The following ESRRG variants were observed in gnomAD, a reference collection of about 807,000 sequenced individuals.
The protein encoded by ESRRG is estrogen-related receptor gamma.
In ESRRG, 13 loss-of-function variants were observed where a neutral mutation model predicts 44.0. The ratio of observed to expected loss-of-function variants is 0.30; its 90% CI spans 0.19 to 0.47. The LOEUF is 0.47. ESRRG is among the 20% of genes least tolerant of loss of function. The pLI, the probability that ESRRG is intolerant of heterozygous loss-of-function variation, is 1.00. For missense variants in ESRRG, 395 were observed against 580.6 expected, an observed-to-expected ratio of 0.68 and a Z score of 3.29; for synonymous variants, 215 against 214.6, an observed-to-expected ratio of 1.00 and a Z score of -0.02.
At chr1:216,982,161 G>A (rs1224017382) in intron 1 of ESRRG, among the ~76,000 whole-genome samples, 1 of 152,098 alleles carries the variant, frequency 6.6e-6, no homozygotes, top group Non-Finnish European at 1.5e-5. Context: ...TACATCAAGT[G>A]TGTAACAGCT....
At chr1:216,939,359 A>AAAAAAAAAC (rs1560188804) in intron 2 of ESRRG, among the ~76,000 whole-genome samples, 4 of 149,248 alleles carry the variant, frequency 2.7e-5, no homozygotes, top group African/African-American at 7.5e-5. Context: ...AAAAAAAAAA[A>AAAAAAAAAC]AAAAAAAAAA....
At chr1:216,744,903 G>A (rs951543688) in intron 2 of ESRRG, among the ~76,000 whole-genome samples, 5 of 152,134 alleles carry the variant, frequency 3.3e-5, no homozygotes, top group African/African-American at 1.2e-4. Flanking sequence ...TTTAACTTTG[G>A]TTCCATATTA....
intron 1 of ESRRG, among the ~76,000 whole-genome samples, chr1:217,126,959 G>A (rs1232641449): frequency 6.6e-6 from 1 of 152,050 alleles, no homozygotes; most frequent in East Asian, 1.9e-4. Context: ...AAATAGATGT[G>A]ATATTACTTA....
intron 1 of ESRRG, among the ~76,000 whole-genome samples, chr1:216,720,286 T>A (rs555941991): frequency 1.3e-5 from 2 of 152,160 alleles, no homozygotes; most frequent in African/African-American, 4.8e-5. Context: ...TTGCAGCTGA[T>A]TGTCACTTCA....
At position 216,639,251 on chromosome 1, in the gene ESRRG, A is replaced by G. The variant is rs1384128658; in HGVS notation, c.589+11722T>C. 5.3e-5 allele frequency among the ~76,000 whole-genome samples: 8 copies of G among 152,300 alleles called. No individual in the cohort carries two copies. The South Asian group carries it at 1.5e-3, about 28-fold the overall frequency. On this transcript the variant is annotated intron_variant, in intron 3 of 6. Transcript: ENST00000408911. ...TTTAGAGGAAACTATGAGAACAACA[A>G]CAACAATCCCCCACCCGCTCCCAAA...
chr1:216,956,284 C>G (rs1484245832), intron 1 of ESRRG, among the ~76,000 whole-genome samples: 1 of 152,062 alleles, frequency 6.6e-6, no homozygotes, highest in Non-Finnish European at 1.5e-5. Flanking sequence ...CCAACACCAT[C>G]TATCCTTCTC....
chr1:216,720,493 A>G (rs938100877), intron 1 of ESRRG, among the ~76,000 whole-genome samples: 7 of 152,128 alleles, frequency 4.6e-5, no homozygotes, highest in African/African-American at 1.7e-4. Flanking sequence ...CTCAAATAAT[A>G]TCACATCTAA....
intron 2 of ESRRG, among the ~76,000 whole-genome samples, chr1:216,765,821 T>A (rs1438996107): frequency 6.6e-6 from 1 of 152,096 alleles, no homozygotes; most frequent in Non-Finnish European, 1.5e-5. Flanking sequence ...GCTGTTCCTA[T>A]AACGTGGGTA....
At chr1:217,046,903 A>T (rs1428092636) in intron 1 of ESRRG, among the ~76,000 whole-genome samples, 4 of 151,778 alleles carry the variant, frequency 2.6e-5, no homozygotes, top group Non-Finnish European at 5.9e-5. Flanking sequence ...AAGGGGGGGG[A>T]ATGGAAGATA....
chr1:216,973,074 C>T (rs1297021715), intron 1 of ESRRG, among the ~76,000 whole-genome samples: 1 of 152,178 alleles, frequency 6.6e-6, no homozygotes, highest in Non-Finnish European at 1.5e-5. Flanking sequence ...CCCTGGAGAA[C>T]TGCAGCAGCC....
At chr1:216,510,008 T>C (rs1277232769) in intron 6 of ESRRG, among the ~76,000 whole-genome samples, 1 of 152,206 alleles carries the variant, frequency 6.6e-6, no homozygotes, top group Non-Finnish European at 1.5e-5. Flanking sequence ...TGCTGGTTTC[T>C]TTTTAACTAT....
intron 5 of ESRRG, among the ~76,000 whole-genome samples, chr1:216,556,083 A>G (rs951995750): frequency 1.3e-5 from 2 of 152,188 alleles, no homozygotes; most frequent in Admixed American, 1.3e-4. Context: ...TTAAGCATAT[A>G]TGAATTATAC....
intron 2 of ESRRG, among the ~76,000 whole-genome samples, chr1:216,826,113 A>G (rs2095388944): frequency 6.6e-6 from 1 of 151,684 alleles, no homozygotes; most frequent in South Asian, 2.1e-4. Flanking sequence ...AGGCAGGTAG[A>G]GTTACTTTGA....
chr1:216,698,390 G>T (rs927477534), intron 1 of ESRRG, among the ~76,000 whole-genome samples: 2 of 151,808 alleles, frequency 1.3e-5, no homozygotes, highest in Non-Finnish European at 2.9e-5. Flanking sequence ...GTGGTGGGGG[G>T]CGCCTGTAGT....
chr1:216,985,507 T>C (rs1002839951), intron 1 of ESRRG, among the ~76,000 whole-genome samples: 1 of 152,180 alleles, frequency 6.6e-6, no homozygotes, highest in African/African-American at 2.4e-5. Context: ...GGACTAATCT[T>C]CCCCATCTCT....
intron 2 of ESRRG, among the ~76,000 whole-genome samples, chr1:216,838,336 A>G (rs2095600154): frequency 6.6e-6 from 1 of 152,176 alleles, no homozygotes; most frequent in South Asian, 2.1e-4. Context: ...AGTCTATAAA[A>G]GTGTTGTCTT....
chr1:217,088,026 G>A (rs1580529787), intron 1 of ESRRG, among the ~76,000 whole-genome samples: 1 of 150,402 alleles, frequency 6.6e-6, no homozygotes, highest in African/African-American at 2.4e-5. Flanking sequence ...AACTCATTTT[G>A]ACAACATCAA....
At chr1:217,017,406 C>T (rs2079557958) in intron 1 of ESRRG, among the ~76,000 whole-genome samples, 1 of 142,294 alleles carries the variant, frequency 7.0e-6, no homozygotes, top group African/African-American at 2.7e-5. Context: ...ATCTGAGTCA[C>T]ATCAGACACA....
chr1:216,522,786 G>A (rs974030566), intron 5 of ESRRG, among the ~76,000 whole-genome samples: 1 of 152,112 alleles, frequency 6.6e-6, no homozygotes, highest in Admixed American at 6.6e-5. Context: ...AAATGAAAAT[G>A]CATGTTTTAA....
Sources: allele counts gnomAD v4.1 joint callset (sites outside exome capture counted in the v4.1 genomes callset), GRCh38; gene constraint gnomAD v4.1.1; transcripts MANE v1.5; gene names NCBI Gene and HGNC (gene_info 2026-07-23, HGNC 2026-07-21).